Variants in SPATC1 observed in about 807,000 individuals in gnomAD.
SPATC1 encodes spermatogenesis and centriole associated 1, also known as speriolin.
Under a neutral mutation model 36.5 loss-of-function variants are expected in SPATC1, and 35 were observed. The ratio of observed to expected loss-of-function variants is 0.96; its 90% CI spans 0.73 to 1.27. The LOEUF (loss-of-function observed/expected upper bound fraction) is 1.27, where lower values mean the gene tolerates loss of function less well. Ranked by LOEUF, SPATC1 falls within the 50% of genes most tolerant of loss-of-function variation. SPATC1 has a pLI of 0.00. For missense variants in SPATC1, 779 were observed against 796.0 expected, an observed-to-expected ratio of 0.98 and a Z score of 0.26; for synonymous variants, 361 against 353.6, an observed-to-expected ratio of 1.02 and a Z score of -0.24.
chr8:144,014,442 G>T lies in SPATC1; in HGVS notation c.211+1716G>T, dbSNP rs1213419773. Among the ~76,000 whole-genome samples, 4 of 149,024 alleles carry T rather than the reference G, an allele frequency of 2.7e-5. No homozygotes were observed. The Admixed American group carries it at 2.7e-4, about 10-fold the overall frequency. ...GAGGAGAGGAAGAAAGAAGGAAGAAGAAGAAGAAGAAAATAAAACAAAAGA... is the reference window on the plus strand; with the variant it reads ...GAGGAGAGGAAGAAAGAAGGAAGAATAAGAAGAAGAAAATAAAACAAAAGA... On this transcript the variant is annotated intron_variant, in intron 1 of 4. Coordinates refer to ENST00000377470, the MANE Select transcript of SPATC1 (RefSeq NM_198572.3).
chr8:144,022,636 T>C (rs1268941620), intron 1 of SPATC1, among the ~76,000 whole-genome samples: 8 of 106,816 alleles, frequency 7.5e-5, no homozygotes, highest in South Asian at 3.7e-4. Context: ...ACCCTCCCAC[T>C]TCAGGTCTCT....
At chr8:144,017,953 G>A (rs1003766114) in intron 1 of SPATC1, among the ~76,000 whole-genome samples, 6 of 152,156 alleles carry the variant, frequency 3.9e-5, no homozygotes, top group East Asian at 1.9e-4. Context: ...CCTGAAGCTC[G>A]GAGAAGTCAG....
At chr8:144,015,666 C>T (rs1412170362) in intron 1 of SPATC1, among the ~76,000 whole-genome samples, 1 of 147,812 alleles carries the variant, frequency 6.8e-6, no homozygotes, top group Non-Finnish European at 1.5e-5. Context: ...GGCTTGCGCC[C>T]GCAAGGCAGA....
intron 1 of SPATC1, among the ~76,000 whole-genome samples, chr8:144,024,500 C>A (rs2133115438): frequency 7.0e-6 from 1 of 142,372 alleles, no homozygotes; most frequent in African/African-American, 2.6e-5. Flanking sequence ...CTCAGGACCC[C>A]CCTTGGGATC....
At position 144,039,976 on chromosome 8, in the gene SPATC1, C is replaced by T. The variant is rs1835017320; in HGVS notation, c.279C>T (p.Ala93=). 1.9e-6 allele frequency: 3 copies of T among 1,614,002 alleles called. No homozygotes were observed. Among genetic ancestry groups the T allele is most frequent in the South Asian group, 1.1e-5 (1 of 91,090 alleles). The change falls in exon 2 of 5, where the codon GCC becomes GCT. Residue 93 remains alanine (A), a synonymous_variant. Coordinates refer to ENST00000377470, the MANE Select transcript of SPATC1 (RefSeq NM_198572.3). The part of the protein sequence containing the change: ...ERVLEEVGIM[A]LAPLAEMLTS... ...TCCTCGAAGAAGTGGGGATCATGGCCTTGGCACCCCTGGCCGAGATGCTAA... is the reference window on the plus strand; with the variant it reads ...TCCTCGAAGAAGTGGGGATCATGGCTTTGGCACCCCTGGCCGAGATGCTAA...
Position 144,012,535 on chromosome 8 carries a change from A to G in SPATC1, c.20A>G (p.Tyr7Cys), listed in dbSNP as rs1554752597. The change falls in exon 1 of 5, where the codon TAT (tyrosine) becomes TGT (cysteine). Residue 7 changes from tyrosine (Y) to cysteine (C), a missense_variant. Tyr to Cys is a radical substitution (Grantham distance 194). Coordinates refer to ENST00000377470, the MANE Select transcript of SPATC1 (RefSeq NM_198572.3). ...CAGGGCATGTCTCTACTCACCAATTATGAAGGGCTTCGGCATCAGATAGAG... is the reference window on the plus strand; with the variant it reads ...CAGGGCATGTCTCTACTCACCAATTGTGAAGGGCTTCGGCATCAGATAGAG... MSLLTNYEGLRHQIERL... is the reference protein window; with the variant it reads MSLLTNCEGLRHQIERL... 1.3e-6 allele frequency: 2 copies of G among 1,551,760 alleles called. No individual in the cohort carries two copies. The highest frequency in any genetic ancestry group is 4.9e-5 in the East Asian group (2 of 40,916).
At chr8:144,041,141 C>A (rs781885835) in intron 3 of SPATC1, 34 bp downstream of exon 3, 3 of 1,584,044 alleles carry the variant, frequency 1.9e-6, no homozygotes, top group African/African-American at 2.7e-5. Flanking sequence ...GCGGGTCGGG[C>A]CCCCAGGCCC....
intron 1 of SPATC1, among the ~76,000 whole-genome samples, chr8:144,019,915 C>T (rs1326683042): frequency 3.3e-5 from 5 of 151,694 alleles, no homozygotes; most frequent in Non-Finnish European, 2.9e-5. Context: ...CCCACTGCCT[C>T]CCCCGGGGGC....
rs200692937 is a variant in SPATC1 at position 144,039,939 on chromosome 8, C to T, written c.242C>T (p.Ala81Val). Reference sequence around the variant, plus strand: ...TTCCTGCCCCCGTCCCCAGCAGTGGCAAACGAACGAGTCCTCGAAGAAGTG... The same window carrying T: ...TTCCTGCCCCCGTCCCCAGCAGTGGTAAACGAACGAGTCCTCGAAGAAGTG... The part of the protein sequence containing the change: ...GVFLPPSPAV[A>V]NERVLEEVGI... Residue 81 changes from alanine (A) to valine (V), a missense_variant, in exon 2 of 5, where the codon GCA (alanine) becomes GTA (valine). Physicochemically the swap from Ala to Val is moderately conservative, Grantham distance 64. Coordinates refer to ENST00000377470, the MANE Select transcript of SPATC1 (RefSeq NM_198572.3). The T allele has an allele frequency of 2.0e-5, 32 of 1,613,764 alleles. No individual in the cohort carries two copies. Among genetic ancestry groups the T allele is most frequent in the Non-Finnish European group, 2.5e-5 (30 of 1,179,958 alleles).
chr8:144,029,202 T>TAAAAAA lies in SPATC1; in HGVS notation c.212-10682_212-10677dup, dbSNP rs1165801794. Among the ~76,000 whole-genome samples the TAAAAAA allele has an allele frequency of 2.6e-3, 74 of 28,150 alleles. 9 individuals are homozygous for TAAAAAA. Among genetic ancestry groups the TAAAAAA allele is most frequent in the African/African-American group, 6.8e-3 (60 of 8,836 alleles). 18.5% of individuals were successfully genotyped at this position (28,150 alleles called of 152,430 possible). ...ACATCCTACACATGTACCCCAGAACTAAAAAAAAAAAAAAAAAAAAAAAAA... is the reference window on the plus strand; with the variant it reads ...ACATCCTACACATGTACCCCAGAACTAAAAAAAAAAAAAAAAAAAAAAAAAAAAAAA... On this transcript the variant is annotated intron_variant, in intron 1 of 4. Transcript: ENST00000377470.
chr8:144,032,653 C>T (rs941342659), intron 1 of SPATC1, among the ~76,000 whole-genome samples: 2 of 152,108 alleles, frequency 1.3e-5, no homozygotes, highest in South Asian at 4.1e-4. Context: ...TAAGATTATT[C>T]CTCCCTCCCC....
At chr8:144,023,254 C>T (rs1834587150) in intron 1 of SPATC1, among the ~76,000 whole-genome samples, 2 of 710 alleles carry the variant, frequency 2.8e-3, no homozygotes, top group Non-Finnish European at 2.7e-3. Context: ...GACCTCTTCC[C>T]TGAGAACTTC....
At chr8:144,020,915 C>G (rs1280379802) in intron 1 of SPATC1, among the ~76,000 whole-genome samples, 2 of 142,542 alleles carry the variant, frequency 1.4e-5, no homozygotes, top group African/African-American at 5.3e-5. Context: ...CCCTCAGGAC[C>G]TTCTCCCCTC....
At chr8:144,026,334 T>C in intron 1 of SPATC1, among the ~76,000 whole-genome samples, 1 of 152,214 alleles carries the variant, frequency 6.6e-6, no homozygotes, top group Non-Finnish European at 1.5e-5. Flanking sequence ...CTATATTACA[T>C]TTTGTTTATT....
chr8:144,019,831 A>G lies in SPATC1; in HGVS notation c.211+7105A>G, dbSNP rs1349087694. On this transcript the variant is annotated intron_variant, in intron 1 of 4. Transcript: ENST00000377470. ...CAGCATCCTCCTCATCCCAGCCCTC[A>G]CCACCCCTCCCTCACCCGAGCCCAC... 4.6e-5 allele frequency among the ~76,000 whole-genome samples: 7 copies of G among 151,736 alleles called. No individual in the cohort carries two copies. The East Asian group carries it at 1.4e-3, about 29-fold the overall frequency.
Position 144,012,561 on chromosome 8 carries a change from A to G in SPATC1, c.46A>G (p.Arg16Gly). 1.3e-6 allele frequency: 2 copies of G among 1,551,724 alleles called. No homozygotes were observed. Among genetic ancestry groups the G allele is most frequent in the Non-Finnish European group, 1.7e-6 (2 of 1,146,996 alleles). Residue 16 changes from arginine to glycine, a missense_variant, in exon 1 of 5, where the codon AGG becomes GGG. Arg to Gly is a moderately radical substitution (Grantham distance 125). Transcript: ENST00000377470. ...NYEGLRHQIE[R>G]LVRENEELKK... is the part of the protein sequence containing the mutation. Reference sequence around the variant, plus strand: ...TGAAGGGCTTCGGCATCAGATAGAGAGGCTGGTGCGGGAAAATGAGGAACT... The same window carrying G: ...TGAAGGGCTTCGGCATCAGATAGAGGGGCTGGTGCGGGAAAATGAGGAACT...
At chr8:144,029,004 A>G (rs891050935) in intron 1 of SPATC1, among the ~76,000 whole-genome samples, 12 of 152,152 alleles carry the variant, frequency 7.9e-5, no homozygotes, top group Admixed American at 2.6e-4. Context: ...CTCAACAATG[A>G]GAACACATGG....
chr8:144,017,628 T>C (rs1471952708), intron 1 of SPATC1, among the ~76,000 whole-genome samples: 1 of 152,158 alleles, frequency 6.6e-6, no homozygotes, highest in Non-Finnish European at 1.5e-5. Flanking sequence ...ATCTACCACA[T>C]CCTGGCACAA....
chr8:144,041,787 T>A (rs1296956948), intron 4 of SPATC1, among the ~76,000 whole-genome samples: 1 of 152,188 alleles, frequency 6.6e-6, no homozygotes, highest in Non-Finnish European at 1.5e-5. Flanking sequence ...CCACTTGGGC[T>A]TCTCTTGAGA....
Sources: allele counts gnomAD v4.1 joint callset (sites outside exome capture counted in the v4.1 genomes callset), GRCh38; gene constraint gnomAD v4.1.1; transcripts MANE v1.5; gene names NCBI Gene and HGNC (gene_info 2026-07-23, HGNC 2026-07-21).